ACSS2: variants seen among roughly 807,000 people sequenced by gnomAD.
ACSS2 encodes acetyl-coenzyme A synthetase, cytoplasmic.
In ACSS2, 58 loss-of-function variants were observed where a neutral mutation model predicts 90.6. The ratio of observed to expected loss-of-function variants is 0.64; its 90% CI spans 0.52 to 0.80. The LOEUF (loss-of-function observed/expected upper bound fraction) is 0.80, where lower values mean the gene tolerates loss of function less well. Ranked by LOEUF, ACSS2 falls within the 30% of genes least tolerant of loss-of-function variation. The pLI, the probability that ACSS2 is intolerant of heterozygous loss-of-function variation, is 0.00. For synonymous variants in ACSS2, 300 were observed against 330.9 expected, an observed-to-expected ratio of 0.91 and a Z score of 1.01; for missense variants, 759 against 912.0, an observed-to-expected ratio of 0.83 and a Z score of 2.16.
chr20:34,916,319 A>T (rs2081077249), intron 7 of ACSS2, among the ~76,000 whole-genome samples: 1 of 152,186 alleles, frequency 6.6e-6, no homozygotes, highest in Admixed American at 6.5e-5. Context: ...CAAATTACTT[A>T]AGCTCTCTCG....
intron 7 of ACSS2, among the ~76,000 whole-genome samples, chr20:34,918,068 A>C (rs1223161308): frequency 6.6e-6 from 1 of 152,086 alleles, no homozygotes; most frequent in Non-Finnish European, 1.5e-5. Context: ...CACACTCTTA[A>C]GTTTAACTCC....
intron 2 of ACSS2, among the ~76,000 whole-genome samples, chr20:34,885,252 AG>A (rs1196083520): frequency 1.3e-5 from 2 of 152,204 alleles, no homozygotes; most frequent in African/African-American, 4.8e-5. Context: ...AGGAAAAAAA[AG>A]ATCATAAAAG....
At chr20:34,914,459 C>T (rs759007238) in intron 7 of ACSS2, 22 bp downstream of exon 7, 1 of 1,566,554 alleles carries the variant, frequency 6.4e-7, no homozygotes, top group South Asian at 1.2e-5. Flanking sequence ...ACTGCTATGC[C>T]TTTCTCCAGG....
At position 34,926,227 on chromosome 20, in the gene ACSS2, T is replaced by C. The variant is rs779267866; in HGVS notation, c.1849T>C (p.Leu617=). The C allele has an allele frequency of 9.5e-5, 153 of 1,614,074 alleles. No individual in the cohort carries two copies. The highest frequency in any genetic ancestry group is 1.3e-4 in the Non-Finnish European group (150 of 1,180,034). Residue 617 remains leucine (L), a synonymous_variant, in exon 16 of 18, where the codon TTG becomes CTG. Coordinates refer to ENST00000360596, the MANE Select transcript of ACSS2 (RefSeq NM_018677.4). ...KGECLYCFVT[L]CDGHTFSPKL... The stretch of plus-strand genomic sequence containing the variant: ...TGAATGCCTCTACTGCTTTGTCACC[T>C]TGTGTGATGGCCACACCTTCAGCCC...
chr20:34,876,007 G>A (rs2079898228), upstream of ACSS2: 1 of 153,150 alleles, frequency 6.5e-6, no homozygotes, highest in South Asian at 2.1e-4. Context: ...GGACGAGAAT[G>A]TGGGTGTGGC....
At chr20:34,889,247 C>T (rs531962971) in intron 2 of ACSS2, among the ~76,000 whole-genome samples, 13 of 152,154 alleles carry the variant, frequency 8.5e-5, no homozygotes, top group Non-Finnish European at 7.4e-5. Context: ...CTCAGCTTCC[C>T]GAGCAGCTGG....
upstream of ACSS2, chr20:34,876,596 G>C (rs1161266208): frequency 7.7e-6 from 10 of 1,292,152 alleles, no homozygotes; most frequent in South Asian, 5.2e-5. Context: ...TCTCAGTCCC[G>C]GCACCCGCCG....
intron 1 of ACSS2, among the ~76,000 whole-genome samples, chr20:34,877,973 A>G (rs1210807926): frequency 6.7e-6 from 1 of 150,276 alleles, no homozygotes; most frequent in Admixed American, 6.6e-5. Flanking sequence ...TTGCTCTGTC[A>G]CCCATGCTGG....
chr20:34,908,783 C>G (rs929207598), intron 2 of ACSS2: 11 of 355,388 alleles, frequency 3.1e-5, no homozygotes, highest in African/African-American at 2.2e-4. Flanking sequence ...ATTGCCTGAA[C>G]CCAGGAGGCG....
chr20:34,898,219 C>T (rs1275005175), intron 2 of ACSS2, among the ~76,000 whole-genome samples: 1 of 152,136 alleles, frequency 6.6e-6, no homozygotes, highest in Non-Finnish European at 1.5e-5. Flanking sequence ...TGGAAGGGGA[C>T]CTGAGCGGGT....
rs1444004108 is a variant in ACSS2, at chr20:34,914,123, T to A, written c.671T>A (p.Val224Glu). 6.2e-7 allele frequency: 1 copy of A among 1,614,186 alleles called. No individual in the cohort carries two copies. The highest frequency in any genetic ancestry group is 8.5e-7 in the Non-Finnish European group (1 of 1,180,014). The part of the protein sequence containing the change: ...TDAFYRGEKL[V>E]NLKELADEAL... ...GCCTTCTACAGGGGGGAAAAGCTTG[T>A]GAACCTGAAGGAGCTGGCTGACGAG... Residue 224 changes from valine to glutamate, a missense_variant, in exon 6 of 18, where the codon GTG becomes GAG. Transcript: ENST00000360596.
intron 14 of ACSS2, among the ~76,000 whole-genome samples, chr20:34,924,884 G>C (rs1024122280): frequency 6.6e-6 from 1 of 151,788 alleles, no homozygotes; most frequent in Non-Finnish European, 1.5e-5. Flanking sequence ...ATTTTTAGTA[G>C]AGACGGGGTT....
At position 34,899,427 on chromosome 20, in the gene ACSS2, C is replaced by CTCTTTCT. The variant is rs1568977258; in HGVS notation, c.375-13668_375-13667insCTTTCTT. On this transcript the variant is annotated intron_variant, in intron 2 of 17. Coordinates refer to ENST00000360596, the MANE Select transcript of ACSS2 (RefSeq NM_018677.4). The stretch of plus-strand genomic sequence containing the variant: ...CCTTCTTTCTTTCTTTCTTTCTTTC[C>CTCTTTCT]TTCCTTCCTTCCTTCCTTCCTTCCT... Among the ~76,000 whole-genome samples the CTCTTTCT allele has an allele frequency of 3.2e-3, 368 of 115,876 alleles. 3 individuals are homozygous for CTCTTTCT. Among genetic ancestry groups the CTCTTTCT allele is most frequent in the African/African-American group, 0.012 (326 of 26,158 alleles). The allele number at this position is 115,876 out of a possible 152,430, so 76.0% of individuals were successfully genotyped here. A position where few individuals can be genotyped will look rare whatever the true frequency, so the allele number is the denominator to read the frequency against.
At chr20:34,892,569 C>T (rs186504872) in intron 2 of ACSS2, among the ~76,000 whole-genome samples, 3 of 152,136 alleles carry the variant, frequency 2.0e-5, no homozygotes, top group African/African-American at 7.2e-5. Flanking sequence ...GTTACCTCAC[C>T]TCTTTAAACC....
chr20:34,884,746 G>T (rs1308739392), intron 2 of ACSS2, among the ~76,000 whole-genome samples: 3 of 152,186 alleles, frequency 2.0e-5, no homozygotes, highest in African/African-American at 7.2e-5. Flanking sequence ...GCTCTTTAAA[G>T]ATCAGAAAAC....
rs577002078 is a variant in ACSS2 at position 34,882,722 on chromosome 20, G to A, written c.179-72G>A. 2.9e-5 allele frequency: 42 copies of A among 1,466,842 alleles called. No homozygotes were observed. The East Asian group carries it at 9.5e-4, about 33-fold the overall frequency. 90.9% of individuals were successfully genotyped at this position (1,466,842 alleles called of 1,614,324 possible). ...AAGTTATAATTTGGTCCTGTGTATA[G>A]ACTGGTAAGCCTTCTGAGGCTAAAT... is the stretch of plus-strand genomic sequence containing the variant. On this transcript the variant is annotated intron_variant, in intron 1 of 17. Transcript: ENST00000360596.
chr20:34,881,694 A>G (rs1189875648), intron 1 of ACSS2, among the ~76,000 whole-genome samples: 1 of 152,182 alleles, frequency 6.6e-6, no homozygotes, highest in Admixed American at 6.5e-5. Context: ...TTTAGCAAAA[A>G]TGTCTCAAGG....
At chr20:34,880,586 A>C (rs1055120936) in intron 1 of ACSS2, among the ~76,000 whole-genome samples, 1 of 151,966 alleles carries the variant, frequency 6.6e-6, no homozygotes, top group Non-Finnish European at 1.5e-5. Context: ...AAAAAGTTTT[A>C]TGGCTCTTGT....
At chr20:34,888,665 C>T (rs2080256978) in intron 2 of ACSS2, among the ~76,000 whole-genome samples, 1 of 152,040 alleles carries the variant, frequency 6.6e-6, no homozygotes, top group East Asian at 1.9e-4. Context: ...AAATATAGAG[C>T]AGAGTCAGGG....
Sources: allele counts gnomAD v4.1 joint callset (sites outside exome capture counted in the v4.1 genomes callset), GRCh38; gene constraint gnomAD v4.1.1; transcripts MANE v1.5; gene names NCBI Gene and HGNC (gene_info 2026-07-23, HGNC 2026-07-21).